The following SMS variants were observed in gnomAD, a reference collection of about 807,000 sequenced individuals.
The protein encoded by SMS is spermidine aminopropyltransferase.
SMS carries 3 observed loss-of-function variants against 33.0 expected under a neutral mutation model. The ratio of observed to expected loss-of-function variants is 0.09; its 90% CI spans 0.04 to 0.23. SMS has a LOEUF of 0.23. Among genes scored for constraint, SMS ranks in the 10% least tolerant of loss-of-function variants. SMS has a pLI of 1.00. For missense variants in SMS, 117 were observed against 288.6 expected (o/e 0.41, Z 4.31); for synonymous variants, 103 against 112.2 (o/e 0.92, Z 0.52).
chrX:21,960,481 A>G (rs1391677738), intron 1 of SMS, among the ~76,000 whole-genome samples: 3 of 111,051 alleles, frequency 2.7e-5, no homozygotes, highest in Non-Finnish European at 5.7e-5. Flanking sequence ...TTCAGATCAG[A>G]AGTTCTACAT....
intron 1 of SMS, chrX:21,959,863 C>G: frequency 1.4e-6 from 1 of 721,801 alleles, no homozygotes; most frequent in Non-Finnish European, 1.6e-6. Context: ...TGCAGACTGG[C>G]TCTATTGCCA....
At chrX:21,972,476 A>G (rs1229517100) in intron 3 of SMS, 31 bp from the exon 4 acceptor site, 1 of 1,002,786 alleles carries the variant, frequency 1.0e-6, no homozygotes, top group Non-Finnish European at 1.4e-6. Context: ...AGCTTATTCT[A>G]CAAGCCCATT....
chrX:21,961,832 ATGT>A (rs1433625959), intron 1 of SMS, among the ~76,000 whole-genome samples: 1 of 111,978 alleles, frequency 8.9e-6, no homozygotes, highest in South Asian at 3.7e-4. Context: ...TAGTTACAAT[ATGT>A]TGTTCTAGCC....
chrX:21,944,904 G>A (rs1454815063), intron 1 of SMS, among the ~76,000 whole-genome samples: 1 of 111,035 alleles, frequency 9.0e-6, no homozygotes, highest in East Asian at 2.8e-4. Flanking sequence ...GCTTGAACGA[G>A]GGAGGTGGAG....
intron 2 of SMS, among the ~76,000 whole-genome samples, chrX:21,968,584 A>C (rs1004452092): frequency 1.8e-5 from 2 of 111,892 alleles, no homozygotes; most frequent in Non-Finnish European, 3.8e-5. Flanking sequence ...TGGACAGCTG[A>C]CCACACTTGG....
chrX:21,941,131 C>CCGCCGGCCG (rs1921729766), intron 1 of SMS: 1 of 110,650 alleles, frequency 9.0e-6, no homozygotes, highest in Admixed American at 9.4e-5. Flanking sequence ...TCCCGGGTGC[C>CCGCCGGCCG]CGCCGGCCGC....
chrX:21,949,942 C>T (rs751210299), intron 1 of SMS, among the ~76,000 whole-genome samples: 368 of 84,073 alleles, frequency 4.4e-3, no homozygotes, highest in Non-Finnish European at 6.2e-3. Context: ...TGCAGATATT[C>T]CAAAGTGGAA....
At chrX:21,953,933 A>T (rs1922799605) in intron 1 of SMS, among the ~76,000 whole-genome samples, 2 of 76,301 alleles carry the variant, frequency 2.6e-5, no homozygotes, top group African/African-American at 4.6e-5. Context: ...TTTGCTTTGG[A>T]CTTTTCTCTT....
intron 1 of SMS, among the ~76,000 whole-genome samples, chrX:21,963,578 A>C (rs1314257420): frequency 8.9e-6 from 1 of 111,930 alleles, no homozygotes; most frequent in Non-Finnish European, 1.9e-5. Context: ...CCTTTCTGTT[A>C]ATTGTGCCAG....
At chrX:21,961,736 T>C (rs1923368848) in intron 1 of SMS, among the ~76,000 whole-genome samples, 1 of 111,948 alleles carries the variant, frequency 8.9e-6, no homozygotes, top group African/African-American at 3.3e-5. Flanking sequence ...AATGGGGACA[T>C]TGCGTTGTTC....
intron 1 of SMS, among the ~76,000 whole-genome samples, chrX:21,955,655 C>G (rs943790038): frequency 1.8e-5 from 2 of 111,529 alleles, no homozygotes; most frequent in Non-Finnish European, 3.8e-5. Context: ...TTTTCCTAAT[C>G]CTCTGCCTTG....
intron 7 of SMS, among the ~76,000 whole-genome samples, chrX:21,980,254 A>G (rs947704671): frequency 9.2e-6 from 1 of 108,394 alleles, no homozygotes; most frequent in Non-Finnish European, 1.9e-5. Context: ...CTAATGCAGT[A>G]TAGCCATGTA....
chrX:21,958,945 G>A (rs1248085841), intron 1 of SMS, among the ~76,000 whole-genome samples: 4 of 112,947 alleles, frequency 3.5e-5, no homozygotes, highest in African/African-American at 1.3e-4. Context: ...TCAGTACTTC[G>A]TTCCTTTTAT....
intron 7 of SMS, among the ~76,000 whole-genome samples, chrX:21,981,505 A>C (rs150738906): frequency 8.9e-6 from 1 of 111,976 alleles, no homozygotes; most frequent in African/African-American, 3.2e-5. Context: ...ATTTGTTGTT[A>C]ATGTACTATA....
At chrX:21,956,354 G>T (rs1465050838) in intron 1 of SMS, among the ~76,000 whole-genome samples, 1 of 112,802 alleles carries the variant, frequency 8.9e-6, no homozygotes, top group East Asian at 2.8e-4. Context: ...CAAGATCTCA[G>T]CTCACTGCAG....
intron 1 of SMS, among the ~76,000 whole-genome samples, chrX:21,959,502 G>A (rs980298735): frequency 1.8e-5 from 2 of 111,742 alleles, no homozygotes; most frequent in African/African-American, 6.5e-5. Context: ...TATGCCAGTG[G>A]TGTTGGTGAC....
intron 2 of SMS, among the ~76,000 whole-genome samples, chrX:21,971,054 G>A (rs1194895454): frequency 9.1e-6 from 1 of 109,608 alleles, no homozygotes; most frequent in Admixed American, 9.7e-5. Flanking sequence ...AAATTAGCCA[G>A]GTGTGGTGGG....
chrX:21,970,752 T>G (rs1214859336), intron 2 of SMS, among the ~76,000 whole-genome samples: 1 of 106,742 alleles, frequency 9.4e-6, no homozygotes, highest in Non-Finnish European at 1.9e-5. Context: ...TTAGTTTTTT[T>G]TTTTTTTTTT....
intron 7 of SMS, among the ~76,000 whole-genome samples, chrX:21,979,645 A>G (rs1039354204): frequency 2.7e-5 from 3 of 111,317 alleles, no homozygotes; most frequent in Non-Finnish European, 5.6e-5. Context: ...GCTATTGTGA[A>G]TAGTGCCGCA....
Sources: gnomAD v4.1 joint callset for allele counts (sites outside exome capture counted in the v4.1 genomes callset) on GRCh38, gnomAD v4.1.1 for gene constraint, MANE v1.5 for transcripts, NCBI Gene and HGNC (gene_info 2026-07-23, HGNC 2026-07-21) for gene names.